Variants in GRID2 observed in about 807,000 individuals in gnomAD.
GRID2 encodes the protein glutamate ionotropic receptor delta type subunit 2.
GRID2 carries 33 observed loss-of-function variants against 114.8 expected under a neutral mutation model. The ratio of observed to expected loss-of-function variants is 0.29; its 90% CI spans 0.22 to 0.38. The LOEUF (loss-of-function observed/expected upper bound fraction) is 0.38, where lower values mean the gene tolerates loss of function less well. Ranked by LOEUF, GRID2 falls within the 10% of genes least tolerant of loss-of-function variation. GRID2 has a pLI of 1.00. For synonymous variants in GRID2, 505 were observed against 449.9 expected, an observed-to-expected ratio of 1.12 and a Z score of -1.55; for missense variants, 1,184 against 1,257.7, an observed-to-expected ratio of 0.94 and a Z score of 0.89.
At chr4:92,898,162 C>T (rs1747307296) in intron 2 of GRID2, among the ~76,000 whole-genome samples, 1 of 152,090 alleles carries the variant, frequency 6.6e-6, no homozygotes, top group South Asian at 2.1e-4. Context: ...ATATCAATGT[C>T]CTGACTGCAT....
intron 2 of GRID2, among the ~76,000 whole-genome samples, chr4:92,672,924 C>A (rs1478160312): frequency 6.6e-6 from 1 of 152,098 alleles, no homozygotes; most frequent in African/African-American, 2.4e-5. Context: ...CTCAGTTCTT[C>A]TACTAAGTGT....
chr4:93,691,075 A>G (rs1726523906), intron 14 of GRID2, among the ~76,000 whole-genome samples: 1 of 151,380 alleles, frequency 6.6e-6, no homozygotes, highest in Non-Finnish European at 1.5e-5. Flanking sequence ...TGATTATAAA[A>G]AACTGTGCAA....
intron 13 of GRID2, among the ~76,000 whole-genome samples, chr4:93,525,565 C>A (rs1458702965): frequency 6.6e-6 from 1 of 152,076 alleles, no homozygotes; most frequent in Non-Finnish European, 1.5e-5. Flanking sequence ...GAATAGAGAG[C>A]CACTTTGGAC....
At chr4:92,825,310 A>C (rs1741613485) in intron 2 of GRID2, among the ~76,000 whole-genome samples, 1 of 152,132 alleles carries the variant, frequency 6.6e-6, no homozygotes, top group African/African-American at 2.4e-5. Context: ...TCTGTTGAGA[A>C]GAATCCAGAC....
At chr4:93,146,433 AT>A (rs1398128243) in intron 4 of GRID2, among the ~76,000 whole-genome samples, 1 of 152,160 alleles carries the variant, frequency 6.6e-6, no homozygotes, top group African/African-American at 2.4e-5. Context: ...GAAAAATATC[AT>A]GCATGGTACT....
At chr4:93,249,901 T>C (rs1748659100) in intron 8 of GRID2, among the ~76,000 whole-genome samples, 1 of 151,894 alleles carries the variant, frequency 6.6e-6, no homozygotes, top group African/African-American at 2.4e-5. Context: ...TTGGTGGGAG[T>C]GTAAATTAGT....
intron 8 of GRID2, among the ~76,000 whole-genome samples, chr4:93,314,724 T>C (rs886745630): frequency 2.8e-5 from 4 of 143,660 alleles, no homozygotes; most frequent in African/African-American, 8.1e-5. Flanking sequence ...AAGTTTAAGA[T>C]GTACAACACG....
At chr4:92,479,224 C>A (rs553357694) in intron 1 of GRID2, among the ~76,000 whole-genome samples, 5 of 152,158 alleles carry the variant, frequency 3.3e-5, no homozygotes, top group Non-Finnish European at 7.4e-5. Flanking sequence ...TTAGTTTGTG[C>A]ACGCTATGGA....
At chr4:92,840,650 A>G (rs569143127) in intron 2 of GRID2, among the ~76,000 whole-genome samples, 12 of 152,116 alleles carry the variant, frequency 7.9e-5, no homozygotes, top group African/African-American at 2.9e-4. Context: ...TTTGTATCCT[A>G]AAAGCTTTCA....
rs146088101 is a variant in GRID2, at chr4:92,637,716, G to A, written c.244+47430G>A. On this transcript the variant is annotated intron_variant, in intron 2 of 15. Coordinates refer to ENST00000282020, the MANE Select transcript of GRID2 (RefSeq NM_001510.4). ...GAACTTATTTGCGTGTTCTTTGGAG[G>A]GAAATTAGCCCTCCAGCTGGCTTCC... Among the ~76,000 whole-genome samples the A allele has an allele frequency of 1.9e-3, 283 of 152,022 alleles. 2 individuals carry two copies. Among genetic ancestry groups the A allele is most frequent in the Middle Eastern group, 0.01 (3 of 294 alleles).
intron 14 of GRID2, among the ~76,000 whole-genome samples, chr4:93,675,557 A>G (rs1027658617): frequency 6.6e-6 from 1 of 152,206 alleles, no homozygotes; most frequent in Non-Finnish European, 1.5e-5. Flanking sequence ...AATAAGTACT[A>G]TTGTGGAAAG....
intron 14 of GRID2, among the ~76,000 whole-genome samples, chr4:93,747,460 A>G (rs1417333916): frequency 2.6e-5 from 4 of 152,120 alleles, no homozygotes; most frequent in Admixed American, 6.5e-5. Flanking sequence ...GAGAAAGACC[A>G]TCTCCCATTG....
chr4:93,663,292 T>C (rs944605349), intron 14 of GRID2, among the ~76,000 whole-genome samples: 7 of 152,184 alleles, frequency 4.6e-5, no homozygotes, highest in African/African-American at 1.7e-4. Flanking sequence ...TTCATACAGT[T>C]ATGGAGGTAT....
intron 1 of GRID2, among the ~76,000 whole-genome samples, chr4:92,527,004 C>T (rs537010020): frequency 6.6e-6 from 1 of 151,690 alleles, no homozygotes; most frequent in Non-Finnish European, 1.5e-5. Context: ...TTTAAATTGG[C>T]ATTGTTTTGG....
intron 13 of GRID2, among the ~76,000 whole-genome samples, chr4:93,616,563 T>C (rs1361805876): frequency 9.4e-6 from 1 of 106,512 alleles, no homozygotes; most frequent in Non-Finnish European, 1.8e-5. Flanking sequence ...GTAATAAATA[T>C]AAATATTTAT....
At chr4:93,038,676 A>G (rs936981522) in intron 2 of GRID2, among the ~76,000 whole-genome samples, 1 of 152,120 alleles carries the variant, frequency 6.6e-6, no homozygotes, top group African/African-American at 2.4e-5. Context: ...CTGTAGTCCC[A>G]GCTACTCGGG....
chr4:92,611,431 G>C (rs904238526), intron 2 of GRID2, among the ~76,000 whole-genome samples: 4 of 151,444 alleles, frequency 2.6e-5, no homozygotes, highest in African/African-American at 9.7e-5. Context: ...AATCCTATCA[G>C]ATAAGGACTC....
chr4:93,567,027 T>A (rs1735492725), intron 13 of GRID2, among the ~76,000 whole-genome samples: 1 of 152,108 alleles, frequency 6.6e-6, no homozygotes, highest in Non-Finnish European at 1.5e-5. Context: ...GGGAGCTATT[T>A]AGAAACACTC....
chr4:92,568,844 T>G (rs1727475430), intron 1 of GRID2, among the ~76,000 whole-genome samples: 1 of 152,058 alleles, frequency 6.6e-6, no homozygotes, highest in East Asian at 1.9e-4. Flanking sequence ...TGTTCCTGCA[T>G]TAGTTTGCTA....
Sources: gnomAD v4.1 joint callset for allele counts (sites outside exome capture counted in the v4.1 genomes callset) on GRCh38, gnomAD v4.1.1 for gene constraint, MANE v1.5 for transcripts, NCBI Gene and HGNC (gene_info 2026-07-23, HGNC 2026-07-21) for gene names.